HTR2C: variants seen among roughly 807,000 people sequenced by gnomAD.
HTR2C encodes 5-hydroxytryptamine receptor 2C.
HTR2C carries 5 observed loss-of-function variants against 21.0 expected under a neutral mutation model. The observed-to-expected ratio is 0.24, with a 90% CI of 0.12 to 0.50. HTR2C has a LOEUF of 0.50. HTR2C is among the 20% of genes least tolerant of loss of function. HTR2C has a pLI of 0.98. For synonymous variants in HTR2C, 150 were observed against 145.3 expected (o/e 1.03, Z -0.23); for missense variants, 271 against 371.2 (o/e 0.73, Z 2.22).
Position 114,625,943 on chromosome X carries a change from G to A in HTR2C, c.-80+12062G>A, listed in dbSNP as rs782222937. On this transcript the variant is annotated intron_variant, in intron 2 of 5. Transcript: ENST00000276198. ...TCCAGCAGCTCTACCTTCATTAAAT[G>A]TTATGATATCATGAACCAGAGAACA... Among the ~76,000 whole-genome samples, 3 of 111,305 alleles carry A rather than the reference G, an allele frequency of 2.7e-5. No individual in the cohort carries two copies. The South Asian group carries it at 1.1e-3, about 42-fold the overall frequency.
chrX:114,682,615 A>T (rs1219029126), intron 2 of HTR2C, among the ~76,000 whole-genome samples: 1 of 111,483 alleles, frequency 9.0e-6, no homozygotes, highest in Non-Finnish European at 1.9e-5. Context: ...GTTTTACAGT[A>T]GGGCTCCTGA....
intron 2 of HTR2C, among the ~76,000 whole-genome samples, chrX:114,646,982 A>G (rs1310068367): frequency 9.0e-6 from 1 of 111,394 alleles, no homozygotes; most frequent in Admixed American, 9.6e-5. Flanking sequence ...TCATTTGCCC[A>G]TTTCATTACT....
intron 5 of HTR2C, among the ~76,000 whole-genome samples, chrX:114,902,713 C>G (rs1418005401): frequency 1.9e-4 from 21 of 110,220 alleles, no homozygotes; most frequent in Non-Finnish European, 7.6e-5. Context: ...TGGGTTCAAG[C>G]GATTCTCCTT....
intron 2 of HTR2C, among the ~76,000 whole-genome samples, chrX:114,695,462 G>C: frequency 9.0e-6 from 1 of 111,447 alleles, no homozygotes; most frequent in Middle Eastern, 4.6e-3. Flanking sequence ...TCGACCCTCT[G>C]TTATAAGGCT....
At chrX:114,873,569 C>T (rs184524619) in intron 5 of HTR2C, among the ~76,000 whole-genome samples, 2 of 111,909 alleles carry the variant, frequency 1.8e-5, no homozygotes, top group Non-Finnish European at 3.8e-5. Flanking sequence ...AGAAGAAAGA[C>T]TATTTTAGTT....
intron 4 of HTR2C, among the ~76,000 whole-genome samples, chrX:114,796,966 T>C (rs1435016850): frequency 8.9e-6 from 1 of 112,024 alleles, no homozygotes; most frequent in East Asian, 2.8e-4. Flanking sequence ...TTAAGGAGAA[T>C]GTCCACTGTC....
chrX:114,784,586 C>G (rs1225049663), intron 4 of HTR2C, among the ~76,000 whole-genome samples: 1 of 108,144 alleles, frequency 9.2e-6, no homozygotes, highest in Non-Finnish European at 1.9e-5. Flanking sequence ...CTGCCTCCGT[C>G]TTCACATGGC....
intron 4 of HTR2C, among the ~76,000 whole-genome samples, chrX:114,836,454 G>A (rs2070785073): frequency 8.9e-6 from 1 of 112,462 alleles, no homozygotes; most frequent in Admixed American, 9.3e-5. Flanking sequence ...ATTCGGGTGA[G>A]AGTGACCCGA....
intron 4 of HTR2C, among the ~76,000 whole-genome samples, chrX:114,733,701 C>T (rs973469256): frequency 9.1e-6 from 1 of 109,923 alleles, no homozygotes; most frequent in Non-Finnish European, 1.9e-5. Context: ...ACCCCTCCCT[C>T]TACTGTCTCC....
At chrX:114,796,697 TG>T (rs2070297007) in intron 4 of HTR2C, among the ~76,000 whole-genome samples, 1 of 111,381 alleles carries the variant, frequency 9.0e-6, no homozygotes, top group Non-Finnish European at 1.9e-5. Flanking sequence ...CTCCTTGTGA[TG>T]TCAAAGGGCT....
intron 4 of HTR2C, among the ~76,000 whole-genome samples, chrX:114,764,495 G>A (rs2069917119): frequency 9.1e-6 from 1 of 110,364 alleles, no homozygotes; most frequent in Non-Finnish European, 1.9e-5. Context: ...AATAAATAAT[G>A]TAATTGTAGT....
chrX:114,740,351 G>A (rs1262295936), intron 4 of HTR2C, among the ~76,000 whole-genome samples: 1 of 109,830 alleles, frequency 9.1e-6, no homozygotes, highest in Non-Finnish European at 1.9e-5. Flanking sequence ...CAGCACTCTC[G>A]TATATTGCTG....
intron 4 of HTR2C, among the ~76,000 whole-genome samples, chrX:114,834,215 G>T (rs1344519896): frequency 1.8e-5 from 2 of 110,443 alleles, no homozygotes; most frequent in Non-Finnish European, 3.8e-5. Context: ...TGTCTATTAG[G>T]TCCGCTTGAT....
intron 5 of HTR2C, among the ~76,000 whole-genome samples, chrX:114,899,644 T>C (rs782726865): frequency 9.3e-5 from 10 of 107,834 alleles, no homozygotes; most frequent in African/African-American, 3.3e-4. Context: ...TCTGTGTTGC[T>C]CCCAGGTGGG....
chrX:114,907,193 C>T lies in HTR2C; in HGVS notation c.1155C>T (p.Cys385=). ...YRRAFSNYLR[C]NYKVEKKPPV... The stretch of plus-strand genomic sequence containing the variant: ...GGGCATTCTCCAACTATTTGCGTTG[C>T]AATTATAAGGTAGAGAAAAAGCCTC... The change falls in exon 6 of 6, where the codon TGC becomes TGT. Residue 385 remains cysteine (C), a synonymous_variant. Coordinates refer to ENST00000276198, the MANE Select transcript of HTR2C (RefSeq NM_000868.4). The T allele has an allele frequency of 1.7e-6, 2 of 1,210,748 alleles. 1 individual carries two copies. The highest frequency in any genetic ancestry group is 4.6e-4 in the Middle Eastern group (2 of 4,354).
chrX:114,783,507 CAAAT>C (rs377368756), intron 4 of HTR2C, among the ~76,000 whole-genome samples: 63 of 111,178 alleles, frequency 5.7e-4, no homozygotes, highest in African/African-American at 1.9e-3. Flanking sequence ...AATATGAAAA[CAAAT>C]AGATAATTTC....
chrX:114,719,001 TA>T (rs1569486822), intron 2 of HTR2C, among the ~76,000 whole-genome samples: 1 of 98,040 alleles, frequency 1.0e-5, no homozygotes. Flanking sequence ...ATATAATATA[TA>T]ATAATAATAT....
intron 2 of HTR2C, among the ~76,000 whole-genome samples, chrX:114,628,405 ATTTTTTT>A (rs35975864): frequency 2.4e-3 from 106 of 43,889 alleles, no homozygotes; most frequent in African/African-American, 8.6e-3. Flanking sequence ...TGCCAGGCTA[ATTTTTTT>A]TTTTTTTTTT....
chrX:114,876,517 C>T (rs2147515190), intron 5 of HTR2C, among the ~76,000 whole-genome samples: 1 of 99,206 alleles, frequency 1.0e-5, no homozygotes, highest in South Asian at 4.8e-4. Flanking sequence ...TCTTGTTCCT[C>T]ATCTTAGAGG....
Sources: allele counts gnomAD v4.1 joint callset (sites outside exome capture counted in the v4.1 genomes callset), GRCh38; gene constraint gnomAD v4.1.1; transcripts MANE v1.5; gene names NCBI Gene and HGNC (gene_info 2026-07-23, HGNC 2026-07-21).